Variants in EHHADH observed in about 807,000 individuals in gnomAD.
The protein encoded by EHHADH is peroxisomal bifunctional enzyme.
A neutral mutation model predicts 64.4 loss-of-function variants in EHHADH; 48 were observed. That is an observed-to-expected ratio of 0.75 (90% CI 0.59 to 0.95). The LOEUF (loss-of-function observed/expected upper bound fraction) is 0.95, where lower values mean the gene tolerates loss of function less well. EHHADH is among the 40% of genes least tolerant of loss of function. EHHADH has a pLI of 0.00. For missense variants in EHHADH, 854 were observed against 876.6 expected (o/e 0.97, Z 0.33); for synonymous variants, 308 against 326.7 (o/e 0.94, Z 0.62).
intron 6 of EHHADH, among the ~76,000 whole-genome samples, chr3:185,196,670 C>A (rs1718073023): frequency 6.6e-6 from 1 of 151,922 alleles, no homozygotes; most frequent in Non-Finnish European, 1.5e-5. Flanking sequence ...ATGATACATA[C>A]TATAACATGA....
At chr3:185,207,580 A>G (rs1256443616) in intron 5 of EHHADH, among the ~76,000 whole-genome samples, 1 of 152,190 alleles carries the variant, frequency 6.6e-6, no homozygotes, top group Non-Finnish European at 1.5e-5. Context: ...AAGCAAGAAC[A>G]TGGGGACTCT....
intron 5 of EHHADH, among the ~76,000 whole-genome samples, chr3:185,210,886 G>A (rs1296008019): frequency 6.6e-6 from 1 of 152,200 alleles, no homozygotes; most frequent in Non-Finnish European, 1.5e-5. Context: ...ATGGTGTGCA[G>A]TAATTAGTTC....
chr3:185,212,384 G>C (rs887542058), intron 5 of EHHADH, among the ~76,000 whole-genome samples: 5 of 152,196 alleles, frequency 3.3e-5, no homozygotes, highest in Non-Finnish European at 5.9e-5. Context: ...TAAGTTTGTA[G>C]AGAAATGTGC....
At chr3:185,202,337 T>C (rs1372742939) in intron 6 of EHHADH, among the ~76,000 whole-genome samples, 3 of 23,734 alleles carry the variant, frequency 1.3e-4, no homozygotes, top group African/African-American at 5.0e-4. Flanking sequence ...AAACTCCATA[T>C]CAAAAAAAAA....
At chr3:185,237,539 C>T (rs913094558) in intron 2 of EHHADH, among the ~76,000 whole-genome samples, 3 of 152,108 alleles carry the variant, frequency 2.0e-5, no homozygotes, top group African/African-American at 7.2e-5. Context: ...TCTTTTTGTA[C>T]CTCATTTACT....
At chr3:185,241,123 C>T (rs528949812) in intron 2 of EHHADH, among the ~76,000 whole-genome samples, 42 of 152,276 alleles carry the variant, frequency 2.8e-4, no homozygotes, top group Non-Finnish European at 4.1e-4. Flanking sequence ...CAGATTGCTG[C>T]GAATGCTGTT....
intron 6 of EHHADH, among the ~76,000 whole-genome samples, chr3:185,202,301 T>C (rs929756893): frequency 4.9e-5 from 7 of 144,062 alleles, no homozygotes; most frequent in African/African-American, 1.3e-4. Context: ...ATTGCGCCAC[T>C]GCACTCCAGC....
Position 185,192,673 on chromosome 3 carries a change from T to C in EHHADH, c.1725A>G (p.Thr575=). The C allele has an allele frequency of 6.2e-7, 1 of 1,614,230 alleles. No homozygotes were observed. The highest frequency in any genetic ancestry group is 8.5e-7 in the Non-Finnish European group (1 of 1,180,036). ...TGTCATATTGATACCAACCCTTACC[T>C]GTCTTCTGGCCAAATCGTCCTAATT... The part of the protein sequence containing the change: ...LCELGRFGQK[T]GKGWYQYDKP... Residue 575 remains threonine, a synonymous_variant, in exon 7 of 7, where the codon ACA becomes ACG. Transcript: ENST00000231887.
intron 5 of EHHADH, 98 bp downstream of exon 5, chr3:185,218,038 T>A (rs1718738070): frequency 2.6e-6 from 2 of 768,744 alleles, no homozygotes; most frequent in Middle Eastern, 2.6e-4. Flanking sequence ...GTGCTGGGAT[T>A]ACAGGCGTGA....
At chr3:185,250,317 A>G (rs1221898097) in intron 1 of EHHADH, among the ~76,000 whole-genome samples, 1 of 152,246 alleles carries the variant, frequency 6.6e-6, no homozygotes, top group East Asian at 1.9e-4. Context: ...AAAGGAAAAG[A>G]GAGCTGAGGG....
At chr3:185,218,322 A>C in intron 4 of EHHADH, 82 bp from the exon 5 acceptor site, 1 of 879,844 alleles carries the variant, frequency 1.1e-6, no homozygotes, top group Non-Finnish European at 1.8e-6. Context: ...CTCTAGTAGG[A>C]AAGGCTGTCT....
In EHHADH at chr3:185,221,582, T is replaced by TTC. The variant is rs1380291700; in HGVS notation, c.464-3343_464-3342insGA. On this transcript the variant is annotated intron_variant, in intron 4 of 6. Coordinates refer to ENST00000231887, the MANE Select transcript of EHHADH (RefSeq NM_001966.4). The stretch of plus-strand genomic sequence containing the variant: ...GCCTCATGATATTTTTTTTTCTTTT[T>TTC]TTTTTTTTTTGAGATGGAGTCTCAC... Among the ~76,000 whole-genome samples the TTC allele has an allele frequency of 2.0e-3, 293 of 148,428 alleles. 1 individual carries two copies. Among genetic ancestry groups the TTC allele is most frequent in the African/African-American group, 6.5e-3 (265 of 40,510 alleles).
rs1220063126 is a variant in EHHADH, at chr3:185,204,132, C to CAAA, written c.910+281_910+283dup. Among the ~76,000 whole-genome samples the CAAA allele has an allele frequency of 2.6e-3, 78 of 30,500 alleles. 1 individual carries two copies. The highest frequency in any genetic ancestry group is 7.1e-3 in the African/African-American group (74 of 10,462). 20.0% of individuals were successfully genotyped at this position (30,500 alleles called of 152,430 possible). On this transcript the variant is annotated intron_variant, in intron 6 of 6. Coordinates refer to ENST00000231887, the MANE Select transcript of EHHADH (RefSeq NM_001966.4). The stretch of plus-strand genomic sequence containing the variant: ...TGGGTGACAGAACAAGACTCTGTCT[C>CAAA]AAAAAAAAAAAAAAAAAAAAAAAAA...
chr3:185,191,955 A>T lies in EHHADH; in HGVS notation c.*271T>A. 1 of 433,376 alleles carries T rather than the reference A, an allele frequency of 2.3e-6. No individual in the cohort carries two copies. Among genetic ancestry groups the T allele is most frequent in the Non-Finnish European group, 4.1e-6 (1 of 245,602 alleles). The allele number at this position is 433,376 out of a possible 1,614,324, so 26.8% of individuals were successfully genotyped here. On this transcript the variant is annotated 3_prime_UTR_variant, in exon 7 of 7. Transcript: ENST00000231887. ...ATGATAAAAGCATTTGAGAATCTCA[A>T]CTTATGCCTGAGCCTCTTTCATTAG...
chr3:185,205,004 AT>A lies in EHHADH; in HGVS notation c.569-248del, dbSNP rs1294167760. Among the ~76,000 whole-genome samples the A allele has an allele frequency of 2.0e-5, 3 of 152,088 alleles. No homozygotes were observed. In the South Asian group the frequency reaches 6.2e-4, roughly 32 times the overall value. ...TACCTAGTTTAGGCATAAAAGTTGT[AT>A]TTTCTTTTTAATCCAAGACCAAGAC... is the stretch of plus-strand genomic sequence containing the variant. On this transcript the variant is annotated intron_variant, in intron 5 of 6. Coordinates refer to ENST00000231887, the MANE Select transcript of EHHADH (RefSeq NM_001966.4).
At chr3:185,237,763 T>G (rs898135378) in intron 2 of EHHADH, among the ~76,000 whole-genome samples, 4 of 152,210 alleles carry the variant, frequency 2.6e-5, no homozygotes, top group Non-Finnish European at 4.4e-5. Flanking sequence ...TATTTAAAAT[T>G]ATTTTTATAG....
intron 6 of EHHADH, among the ~76,000 whole-genome samples, chr3:185,200,256 T>C (rs943296667): frequency 2.0e-5 from 3 of 152,214 alleles, no homozygotes; most frequent in African/African-American, 7.2e-5. Flanking sequence ...CATGGAGGAT[T>C]GGTTTTGAAG....
At chr3:185,227,210 T>C (rs1719000098) in intron 4 of EHHADH, among the ~76,000 whole-genome samples, 1 of 152,188 alleles carries the variant, frequency 6.6e-6, no homozygotes, top group Non-Finnish European at 1.5e-5. Context: ...TTTCCTCTTT[T>C]ACTAAAAAAG....
At chr3:185,218,967 G>A (rs889889066) in intron 4 of EHHADH, among the ~76,000 whole-genome samples, 2 of 152,076 alleles carry the variant, frequency 1.3e-5, no homozygotes, top group African/African-American at 4.8e-5. Context: ...AGATTACAGT[G>A]GGCTGAGATC....
Sources: allele counts gnomAD v4.1 joint callset (sites outside exome capture counted in the v4.1 genomes callset), GRCh38; gene constraint gnomAD v4.1.1; transcripts MANE v1.5; gene names NCBI Gene and HGNC (gene_info 2026-07-23, HGNC 2026-07-21).